HORMAD2: variants seen among roughly 807,000 people sequenced by gnomAD.
HORMAD2 encodes HORMA domain-containing protein 2.
A neutral mutation model predicts 38.8 loss-of-function variants in HORMAD2; 45 were observed. The ratio of observed to expected loss-of-function variants is 1.16; its 90% CI spans 0.91 to 1.49. The LOEUF is 1.49. Among genes scored for constraint, HORMAD2 ranks in the 40% most tolerant of loss-of-function variants. The pLI is 0.00. For missense variants in HORMAD2, 338 were observed against 367.0 expected, an observed-to-expected ratio of 0.92 and a Z score of 0.65; for synonymous variants, 126 against 122.8, an observed-to-expected ratio of 1.03 and a Z score of -0.17.
intron 10 of HORMAD2, chr22:30,137,268 A>AC: frequency 1.8e-6 from 1 of 551,706 alleles, no homozygotes; most frequent in Non-Finnish European, 3.4e-6. Flanking sequence ...CTTCAAACAC[A>AC]TGACCCTTGA....
the HORMAD2 span, chr22:30,207,297 C>T: frequency 3.3e-6 from 1 of 303,872 alleles, no homozygotes; most frequent in African/African-American, 2.2e-5. Context: ...GCATCCCTCC[C>T]ACACATGTCC....
Position 30,111,950 on chromosome 22 carries a change from T to C in HORMAD2, c.315+134T>C, listed in dbSNP as rs533334349. 1,641 of 604,796 alleles carry C rather than the reference T, an allele frequency of 2.7e-3. 44 individuals carry two copies. The South Asian group carries it at 0.04, about 15-fold the overall frequency. 37.5% of individuals were successfully genotyped at this position (604,796 alleles called of 1,614,324 possible). A position where few individuals can be genotyped will look rare whatever the true frequency, so the allele number is the denominator to read the frequency against. ...TTAATCTGTCTTGGAATTAAAAACA[T>C]AGGATCTATCAGAAGTTTAATAAAA... On this transcript the variant is annotated intron_variant, in intron 6 of 10. Transcript: ENST00000336726.
chr22:30,086,431 G>A (rs1049270706), intron 1 of HORMAD2, among the ~76,000 whole-genome samples: 4 of 152,184 alleles, frequency 2.6e-5, no homozygotes, highest in Non-Finnish European at 4.4e-5. Context: ...CTGAGAGCTA[G>A]AAGGAATATA....
At chr22:30,119,119 A>G in intron 8 of HORMAD2, 72 bp downstream of exon 8, 5 of 1,015,036 alleles carry the variant, frequency 4.9e-6, no homozygotes, top group Non-Finnish European at 7.4e-6. Flanking sequence ...TTGAGGCCAG[A>G]GAAAGGCCTT....
intron 10 of HORMAD2, among the ~76,000 whole-genome samples, chr22:30,147,813 A>G (rs1924510598): frequency 6.6e-6 from 1 of 152,344 alleles, no homozygotes; most frequent in Admixed American, 6.5e-5. Flanking sequence ...TATCACAGGA[A>G]AATATGTATT....
chr22:30,195,496 G>A, the HORMAD2 span, among the ~76,000 whole-genome samples: 1 of 152,162 alleles, frequency 6.6e-6, no homozygotes, highest in African/African-American at 2.4e-5. Context: ...GGCAGGGCAG[G>A]CTCTTTGACT....
At chr22:30,133,486 AT>A (rs1317700616) in intron 10 of HORMAD2, among the ~76,000 whole-genome samples, 2 of 149,218 alleles carry the variant, frequency 1.3e-5, no homozygotes, top group African/African-American at 4.9e-5. Context: ...TAATATATTT[AT>A]TTATGATTAT....
At chr22:30,168,527 C>T (rs934284484) in intron 10 of HORMAD2, among the ~76,000 whole-genome samples, 5 of 152,146 alleles carry the variant, frequency 3.3e-5, no homozygotes, top group African/African-American at 7.2e-5. Context: ...GTTTCTTCAT[C>T]CATCCTCCCT....
intron 10 of HORMAD2, among the ~76,000 whole-genome samples, chr22:30,130,303 G>C (rs1332012727): frequency 6.6e-6 from 1 of 152,108 alleles, no homozygotes; most frequent in Non-Finnish European, 1.5e-5. Context: ...TCACTTTCTG[G>C]TGTGATTCTT....
downstream of HORMAD2, among the ~76,000 whole-genome samples, chr22:30,180,634 T>C (rs761624969): frequency 2.0e-5 from 3 of 152,208 alleles, no homozygotes; most frequent in Non-Finnish European, 4.4e-5. Flanking sequence ...CATACTTTTG[T>C]GAGATTTAAG....
chr22:30,105,069 C>G (rs555765759), intron 5 of HORMAD2: 1 of 157,122 alleles, frequency 6.4e-6, no homozygotes, highest in Non-Finnish European at 1.4e-5. Flanking sequence ...TTATTATGAA[C>G]AGAGGGCAGG....
At chr22:30,092,326 T>C (rs2068704473) in intron 1 of HORMAD2, among the ~76,000 whole-genome samples, 1 of 150,908 alleles carries the variant, frequency 6.6e-6, no homozygotes, top group East Asian at 1.9e-4. Flanking sequence ...TTTTGAGAAA[T>C]GTCTATTCAG....
chr22:30,089,353 TTC>T (rs2068640090), intron 1 of HORMAD2, among the ~76,000 whole-genome samples: 1 of 142,158 alleles, frequency 7.0e-6, no homozygotes, highest in African/African-American at 2.8e-5. Context: ...TTGCTGCTGC[TTC>T]TTTTTTTTTT....
chr22:30,103,152 C>T (rs78994331), intron 3 of HORMAD2, among the ~76,000 whole-genome samples: 7 of 152,182 alleles, frequency 4.6e-5, no homozygotes, highest in African/African-American at 1.7e-4. Flanking sequence ...TAGAATTCTA[C>T]AGCGGCAAAG....
the HORMAD2 span, among the ~76,000 whole-genome samples, chr22:30,201,659 G>T: frequency 2.6e-5 from 4 of 151,940 alleles, no homozygotes; most frequent in South Asian, 8.3e-4. Flanking sequence ...CTCATGATCC[G>T]CCCGCCTCGG....
rs1336583444 is a variant in HORMAD2, at chr22:30,129,234, AAAAAAAAAAAAAAAAAAAAAAAG to A, written c.819+7022_819+7044del. ...CTCTATCTCAAAAAAAAAAAAAAAA[AAAAAAAAAAAAAAAAAAAAAAAG>A]AGAGAGAGAGAATAAATAATGCCCT... On this transcript the variant is annotated intron_variant, in intron 10 of 10. Coordinates refer to ENST00000336726, the MANE Select transcript of HORMAD2 (RefSeq NM_152510.4). Among the ~76,000 whole-genome samples the A allele has an allele frequency of 1.7e-3, 133 of 78,816 alleles. 2 individuals are homozygous for A. The highest frequency in any genetic ancestry group is 2.6e-3 in the Non-Finnish European group (101 of 38,588). 51.7% of individuals were successfully genotyped at this position (78,816 alleles called of 152,430 possible). A position where few individuals can be genotyped will look rare whatever the true frequency, so the allele number is the denominator to read the frequency against.
chr22:30,146,898 A>G (rs1236290905), intron 10 of HORMAD2, among the ~76,000 whole-genome samples: 1 of 152,200 alleles, frequency 6.6e-6, no homozygotes, highest in African/African-American at 2.4e-5. Context: ...TCTCTATATT[A>G]TAAATGAAAA....
the HORMAD2 span, among the ~76,000 whole-genome samples, chr22:30,196,093 C>A: frequency 6.6e-6 from 1 of 152,220 alleles, no homozygotes; most frequent in Non-Finnish European, 1.5e-5. Context: ...CTTACTAAGC[C>A]ACTACAGAGC....
At chr22:30,082,795 CA>C (rs200117496) in intron 1 of HORMAD2, among the ~76,000 whole-genome samples, 3,318 of 86,238 alleles carry the variant, frequency 0.038, 89 homozygotes, top group Admixed American at 0.15. Flanking sequence ...TACTCTGTCT[CA>C]AAAAAAAAAA....
Sources: allele counts gnomAD v4.1 joint callset (sites outside exome capture counted in the v4.1 genomes callset), GRCh38; gene constraint gnomAD v4.1.1; transcripts MANE v1.5; gene names NCBI Gene and HGNC (gene_info 2026-07-23, HGNC 2026-07-21).